The following PTPRT variants were observed in gnomAD, a reference collection of about 807,000 sequenced individuals.
PTPRT encodes the protein receptor-type tyrosine-protein phosphatase T.
In PTPRT, 56 loss-of-function variants were observed where a neutral mutation model predicts 176.8. The ratio of observed to expected loss-of-function variants is 0.32; its 90% confidence interval spans 0.26 to 0.40. The LOEUF is 0.40. Ranked by LOEUF, PTPRT falls within the 10% of genes least tolerant of loss-of-function variation. The pLI, the probability that PTPRT is intolerant of heterozygous loss-of-function variation, is 1.00. For synonymous variants in PTPRT, 783 were observed against 739.0 expected (o/e 1.06, Z -0.96); for missense variants, 1,540 against 1,908.2 (o/e 0.81, Z 3.60).
chr20:42,665,794 G>T lies in PTPRT; in HGVS notation c.1153+12072C>A, dbSNP rs540696009. Among the ~76,000 whole-genome samples the T allele has an allele frequency of 4.5e-3, 678 of 152,138 alleles. 7 individuals carry two copies. The highest frequency in any genetic ancestry group is 0.016 in the African/African-American group (662 of 41,482). ...AATGATGAGTTCCTGTCCTTTGTAGGGACATGGATGAAGCTGAAAATCATC... is the reference window on the plus strand; with the variant it reads ...AATGATGAGTTCCTGTCCTTTGTAGTGACATGGATGAAGCTGAAAATCATC... On this transcript the variant is annotated intron_variant, in intron 7 of 30. Transcript: ENST00000373187.
chr20:43,055,841 C>T (rs1330021807), intron 1 of PTPRT, among the ~76,000 whole-genome samples: 1 of 152,146 alleles, frequency 6.6e-6, no homozygotes, highest in Non-Finnish European at 1.5e-5. Context: ...TAGGTTTCCC[C>T]TAGCTTCTAG....
intron 2 of PTPRT, among the ~76,000 whole-genome samples, chr20:42,804,757 C>T (rs976131097): frequency 6.6e-6 from 1 of 152,208 alleles, no homozygotes; most frequent in African/African-American, 2.4e-5. Flanking sequence ...CGATCTTTGG[C>T]ATTCCTTGGG....
chr20:42,309,431 C>T (rs943658832), intron 12 of PTPRT, among the ~76,000 whole-genome samples: 12 of 152,044 alleles, frequency 7.9e-5, no homozygotes, highest in African/African-American at 2.9e-4. Flanking sequence ...TGCCCAGGAG[C>T]CTGGAGCTTG....
chr20:42,502,283 C>T (rs889718427), intron 7 of PTPRT, among the ~76,000 whole-genome samples: 3 of 151,814 alleles, frequency 2.0e-5, no homozygotes, highest in Non-Finnish European at 2.9e-5. Context: ...GAAACATCTT[C>T]CTTAAGAAAC....
chr20:42,322,576 G>T (rs1417933966), intron 11 of PTPRT, among the ~76,000 whole-genome samples: 1 of 142,864 alleles, frequency 7.0e-6, no homozygotes, highest in East Asian at 2.0e-4. Flanking sequence ...GCTGAAACTG[G>T]ATCCCTTCCT....
intron 14 of PTPRT, 75 bp from the exon 15 acceptor site, chr20:42,236,333 T>C: frequency 8.0e-7 from 1 of 1,242,490 alleles, no homozygotes; most frequent in Admixed American, 1.8e-5. Flanking sequence ...AAACAAGAAT[T>C]AGATTTTTAA....
At chr20:42,483,047 A>T (rs1325413378) in intron 7 of PTPRT, among the ~76,000 whole-genome samples, 1 of 152,186 alleles carries the variant, frequency 6.6e-6, no homozygotes, top group Non-Finnish European at 1.5e-5. Flanking sequence ...AACACAAGGG[A>T]TCGATTGGAT....
chr20:42,950,945 C>T lies in PTPRT; in HGVS notation c.89-65013G>A, dbSNP rs139771894. Among the ~76,000 whole-genome samples, 1,002 of 152,312 alleles carry T rather than the reference C, an allele frequency of 6.6e-3. 11 individuals are homozygous for T. Among genetic ancestry groups the T allele is most frequent in the African/African-American group, 0.023 (957 of 41,570 alleles). ...CGTGTTAACTCATGAAAATTGTCTG[C>T]TTCAATCAAGATTCACTCTTAAAAT... On this transcript the variant is annotated intron_variant, in intron 1 of 30. Transcript: ENST00000373187.
At chr20:43,061,146 C>G (rs1987445368) in intron 1 of PTPRT, among the ~76,000 whole-genome samples, 1 of 151,912 alleles carries the variant, frequency 6.6e-6, no homozygotes, top group South Asian at 2.1e-4. Flanking sequence ...CCTACTTCAG[C>G]ATGAGGCTCA....
At chr20:42,379,565 A>G (rs557309482) in intron 9 of PTPRT, among the ~76,000 whole-genome samples, 37 of 152,324 alleles carry the variant, frequency 2.4e-4, no homozygotes, top group African/African-American at 8.7e-4. Context: ...GGGCAGCAGG[A>G]GCTCGGTCTC....
intron 1 of PTPRT, among the ~76,000 whole-genome samples, chr20:43,143,992 G>A (rs149091706): frequency 6.6e-6 from 1 of 152,278 alleles, no homozygotes; most frequent in Non-Finnish European, 1.5e-5. Context: ...TCTGCCTGCT[G>A]GGACTTTTGG....
chr20:42,173,912 A>C (rs374855425), intron 16 of PTPRT, among the ~76,000 whole-genome samples: 1 of 152,334 alleles, frequency 6.6e-6, no homozygotes, highest in East Asian at 1.9e-4. Flanking sequence ...TGGCCTTAAA[A>C]AATGCTGAAC....
chr20:42,173,903 G>T (rs1990176547), intron 16 of PTPRT, among the ~76,000 whole-genome samples: 2 of 151,992 alleles, frequency 1.3e-5, no homozygotes. Context: ...TGAAAATAAT[G>T]GCCTTAAAAA....
chr20:42,107,063 T>A, intron 23 of PTPRT, 142 bp from the exon 24 acceptor site: 1 of 1,104,586 alleles, frequency 9.1e-7, no homozygotes, highest in Non-Finnish European at 1.3e-6. Flanking sequence ...TCTTAATATG[T>A]ATAGTTTGTA....
At chr20:42,135,078 C>G (rs1387379473) in intron 18 of PTPRT, among the ~76,000 whole-genome samples, 1 of 152,322 alleles carries the variant, frequency 6.6e-6, no homozygotes, top group South Asian at 2.1e-4. Flanking sequence ...CACCTGTAGA[C>G]CCAGCCTATC....
Position 42,080,829 on chromosome 20 carries a change from G to A in PTPRT, c.*50C>T. On this transcript the variant is annotated 3_prime_UTR_variant, in exon 31 of 31. Transcript: ENST00000373187. Reference sequence around the variant, plus strand: ...GTTACTGCCATTCACACAAAAGGGGGCTTGGTCACAGCAGCCTCTGGACTC... The same window carrying A: ...GTTACTGCCATTCACACAAAAGGGGACTTGGTCACAGCAGCCTCTGGACTC... 6.4e-7 allele frequency: 1 copy of A among 1,550,992 alleles called. No individual in the cohort carries two copies.
intron 2 of PTPRT, among the ~76,000 whole-genome samples, chr20:42,875,105 T>C (rs188192475): frequency 6.6e-6 from 1 of 152,330 alleles, no homozygotes; most frequent in Non-Finnish European, 1.5e-5. Flanking sequence ...TGGAATATAA[T>C]ACTTTTTGAA....
At chr20:42,362,068 C>T (rs1204445517) in intron 9 of PTPRT, among the ~76,000 whole-genome samples, 1 of 152,086 alleles carries the variant, frequency 6.6e-6, no homozygotes, top group Non-Finnish European at 1.5e-5. Flanking sequence ...GACATTCAGG[C>T]TGGGCATCAT....
chr20:42,114,119 A>G (rs756917794), intron 22 of PTPRT, among the ~76,000 whole-genome samples: 12 of 152,222 alleles, frequency 7.9e-5, no homozygotes, highest in Non-Finnish European at 1.8e-4. Context: ...GCCTGTGGCC[A>G]CATTGTCTAT....
Sources: allele counts gnomAD v4.1 joint callset (sites outside exome capture counted in the v4.1 genomes callset), GRCh38; gene constraint gnomAD v4.1.1; transcripts MANE v1.5; gene names NCBI Gene and HGNC (gene_info 2026-07-23, HGNC 2026-07-21).